PCNX1: variants seen among roughly 807,000 people sequenced by gnomAD.
PCNX1 encodes the protein pecanex-like protein 1.
A neutral mutation model predicts 242.2 loss-of-function variants in PCNX1; 78 were observed. The observed-to-expected ratio is 0.32, with a 90% confidence interval of 0.27 to 0.39. The LOEUF (loss-of-function observed/expected upper bound fraction) is 0.39, where lower values mean the gene tolerates loss of function less well. Among genes scored for constraint, PCNX1 ranks in the 10% least tolerant of loss-of-function variants. The pLI, the probability that PCNX1 is intolerant of heterozygous loss-of-function variation, is 1.00. For synonymous variants in PCNX1, 1,024 were observed against 1,032.9 expected, an observed-to-expected ratio of 0.99 and a Z score of 0.17; for missense variants, 2,581 against 2,856.5, an observed-to-expected ratio of 0.90 and a Z score of 2.20.
chr14:71,084,393 C>T (rs2061932240), intron 28 of PCNX1, among the ~76,000 whole-genome samples: 1 of 152,232 alleles, frequency 6.6e-6, no homozygotes, highest in African/African-American at 2.4e-5. Context: ...GGGAGATCCG[C>T]TGCTCTCTTC....
rs568921239 is a variant in PCNX1 at position 71,030,192 on chromosome 14, T to C, written c.3558+1401T>C. ...CAGCAATCTCCTAACCTGTTTTACC[T>C]TCCTCAGACTTACTATTTTTAACTG... On this transcript the variant is annotated intron_variant, in intron 16 of 35. Coordinates refer to ENST00000304743, the MANE Select transcript of PCNX1 (RefSeq NM_014982.3). 2.0e-5 allele frequency among the ~76,000 whole-genome samples: 3 copies of C among 152,322 alleles called. No homozygotes were observed. In the East Asian group the frequency reaches 5.8e-4, roughly 29 times the overall value.
intron 14 of PCNX1, among the ~76,000 whole-genome samples, chr14:71,026,503 T>C (rs1479904670): frequency 6.6e-6 from 1 of 152,180 alleles, no homozygotes; most frequent in Admixed American, 6.5e-5. Flanking sequence ...GGAGTAGATA[T>C]AATGCAGAAG....
At chr14:70,990,860 T>G (rs953762765) in intron 7 of PCNX1, among the ~76,000 whole-genome samples, 6 of 152,288 alleles carry the variant, frequency 3.9e-5, no homozygotes, top group Non-Finnish European at 5.9e-5. Context: ...CTCAGCGTTT[T>G]ATTTTACTTT....
Position 71,108,882 on chromosome 14 carries a change from A to G in PCNX1, c.6580A>G (p.Ser2194Gly). The change falls in exon 34 of 36, where the codon AGC becomes GGC. Residue 2194 changes from serine to glycine, a missense_variant. Physicochemically the swap from Ser to Gly is moderately conservative, Grantham distance 56. This residue lies in a region of PCNX1 where 432 missense variants were observed against 433.6 expected (regional missense o/e 1.00). Coordinates refer to ENST00000304743, the MANE Select transcript of PCNX1 (RefSeq NM_014982.3). The part of the protein sequence containing the change: ...ACVQHGLPSS[S>G]SSSQSIPACK... The stretch of plus-strand genomic sequence containing the variant: ...TGTGCAGCACGGCCTGCCTTCCTCC[A>G]GCAGCTCCAGCCAAAGCATCCCAGC... 1 of 1,614,238 alleles carries G rather than the reference A, an allele frequency of 6.2e-7. No individual in the cohort carries two copies. The highest frequency in any genetic ancestry group is 8.5e-7 in the Non-Finnish European group (1 of 1,180,034).
At chr14:71,019,383 A>C (rs528327411) in intron 12 of PCNX1, among the ~76,000 whole-genome samples, 1 of 152,098 alleles carries the variant, frequency 6.6e-6, no homozygotes, top group Non-Finnish European at 1.5e-5. Flanking sequence ...TATTAAAAGA[A>C]AACTGTGTTT....
intron 7 of PCNX1, among the ~76,000 whole-genome samples, chr14:70,990,715 C>A (rs952973015): frequency 6.6e-6 from 1 of 152,112 alleles, no homozygotes; most frequent in Non-Finnish European, 1.5e-5. Context: ...AACACTTGTT[C>A]TAGAAACCTT....
At chr14:71,106,346 A>G (rs756522540) in intron 33 of PCNX1, among the ~76,000 whole-genome samples, 6 of 152,196 alleles carry the variant, frequency 3.9e-5, no homozygotes, top group Non-Finnish European at 8.8e-5. Context: ...GGCTAACAAT[A>G]TTTAACTATT....
rs1289672924 is a variant in PCNX1, at chr14:71,040,719, A to G, written c.3868-4414A>G. 4.6e-5 allele frequency among the ~76,000 whole-genome samples: 7 copies of G among 152,220 alleles called. No individual in the cohort carries two copies. The South Asian group carries it at 1.2e-3, about 27-fold the overall frequency. ...TACTCTTAGTTATTTTTAATGTACA[A>G]TTAAATGAGCATTGACTATAGTTAC... On this transcript the variant is annotated intron_variant, in intron 19 of 35. Coordinates refer to ENST00000304743, the MANE Select transcript of PCNX1 (RefSeq NM_014982.3).
At chr14:70,988,032 C>G (rs1386851010) in intron 6 of PCNX1, among the ~76,000 whole-genome samples, 4 of 152,146 alleles carry the variant, frequency 2.6e-5, no homozygotes, top group Non-Finnish European at 5.9e-5. Context: ...AGCTTCACAA[C>G]CAGAGGTTTC....
intron 13 of PCNX1, among the ~76,000 whole-genome samples, chr14:71,025,646 T>C (rs1296518396): frequency 6.6e-6 from 1 of 152,038 alleles, no homozygotes; most frequent in East Asian, 1.9e-4. Flanking sequence ...GGGAGCCCAA[T>C]GTGGGCAGAT....
chr14:71,082,475 T>C (rs1199383750), intron 28 of PCNX1, among the ~76,000 whole-genome samples: 1 of 152,124 alleles, frequency 6.6e-6, no homozygotes, highest in African/African-American at 2.4e-5. Flanking sequence ...CCCACTATGA[T>C]TGTGTGGGAG....
chr14:70,931,567 A>G (rs1020406108), intron 1 of PCNX1, among the ~76,000 whole-genome samples: 11 of 152,230 alleles, frequency 7.2e-5, no homozygotes, highest in African/African-American at 2.4e-4. Context: ...TCTAGGGCAT[A>G]AGGCATACTG....
intron 15 of PCNX1, 103 bp from the exon 16 acceptor site, chr14:71,028,597 A>G: frequency 1.5e-6 from 1 of 650,880 alleles, no homozygotes; most frequent in Non-Finnish European, 2.6e-6. Flanking sequence ...TAGATATTTA[A>G]TGATAGTTGA....
intron 1 of PCNX1, among the ~76,000 whole-genome samples, chr14:70,925,906 C>G (rs1024003117): frequency 6.6e-6 from 1 of 151,784 alleles, no homozygotes; most frequent in Non-Finnish European, 1.5e-5. Context: ...TTCCATCACC[C>G]TCCACCATCA....
intron 11 of PCNX1, among the ~76,000 whole-genome samples, chr14:71,014,391 A>C (rs1655148984): frequency 6.6e-6 from 1 of 152,212 alleles, no homozygotes; most frequent in Admixed American, 6.5e-5. Context: ...CAAAGAAGTG[A>C]GAAAACGACC....
intron 2 of PCNX1, 137 bp downstream of exon 2, chr14:70,947,260 G>C: frequency 3.0e-6 from 2 of 656,762 alleles, no homozygotes; most frequent in South Asian, 3.8e-5. Flanking sequence ...TAGATACAAT[G>C]ATGGGTACAT....
intron 13 of PCNX1, among the ~76,000 whole-genome samples, chr14:71,024,720 C>A (rs1453849968): frequency 5.3e-5 from 8 of 152,076 alleles, no homozygotes; most frequent in African/African-American, 1.9e-4. Context: ...AACATTTTGG[C>A]CAGCTAATTC....
chr14:71,105,166 A>G (rs995017562), intron 32 of PCNX1, 69 bp from the exon 33 acceptor site: 1 of 1,200,714 alleles, frequency 8.3e-7, no homozygotes, highest in African/African-American at 1.5e-5. Context: ...GAATAGCTGG[A>G]AAAAGAATAA....
At chr14:71,003,814 T>C (rs2059579431) in intron 8 of PCNX1, among the ~76,000 whole-genome samples, 1 of 152,234 alleles carries the variant, frequency 6.6e-6, no homozygotes, top group South Asian at 2.1e-4. Context: ...CTGTCTTTCC[T>C]TACCAGTCCC....
Sources: allele counts gnomAD v4.1 joint callset (sites outside exome capture counted in the v4.1 genomes callset), GRCh38; gene constraint gnomAD v4.1.1; regional missense constraint gnomAD v4.1.1; transcripts MANE v1.5; gene names NCBI Gene and HGNC (gene_info 2026-07-23, HGNC 2026-07-21).